The following SYTL5 variants were observed in gnomAD, a reference collection of about 807,000 sequenced individuals.
The protein encoded by SYTL5 is synaptotagmin like 5.
In SYTL5, 34 loss-of-function variants were observed where a neutral mutation model predicts 55.9. That is an observed-to-expected ratio of 0.61 (90% CI 0.46 to 0.81). SYTL5 has a LOEUF of 0.81. Among genes scored for constraint, SYTL5 ranks in the 30% least tolerant of loss-of-function variants. The probability of loss-of-function intolerance (pLI) is 0.00; values close to 1 mark genes in which losing one functional copy is unlikely to be tolerated. For synonymous variants in SYTL5, 221 were observed against 188.7 expected (o/e 1.17, Z -1.40); for missense variants, 637 against 546.7 (o/e 1.17, Z -1.65).
Position 38,110,401 on chromosome X carries a change from C to G in SYTL5, c.1515C>G (p.Ser505Arg). The part of the protein sequence containing the change: ...VWHYDRFGRN[S>R]FLGEVEIPFD... ...ACTATGATCGATTTGGACGTAATAGCTTCCTCGGGGAAGTAGAGATTCCTT... is the reference window on the plus strand; with the variant it reads ...ACTATGATCGATTTGGACGTAATAGGTTCCTCGGGGAAGTAGAGATTCCTT... The change falls in exon 13 of 17, where the codon AGC becomes AGG. Residue 505 changes from serine to arginine, a missense_variant. By Grantham distance (110) the Ser-to-Arg change is moderately radical. Transcript: ENST00000297875. 8.3e-7 allele frequency: 1 copy of G among 1,208,638 alleles called. No individual in the cohort carries two copies. Among genetic ancestry groups the G allele is most frequent in the African/African-American group, 1.7e-5 (1 of 57,657 alleles).
chrX:38,016,155 T>C (rs1168153082), intron 1 of SYTL5, among the ~76,000 whole-genome samples: 3 of 112,181 alleles, frequency 2.7e-5, no homozygotes, highest in African/African-American at 9.7e-5. Flanking sequence ...CACTCAATTA[T>C]TATTGTTATA....
At chrX:37,980,894 C>A in the SYTL5 span, among the ~76,000 whole-genome samples, 1 of 111,945 alleles carries the variant, frequency 8.9e-6, no homozygotes, top group African/African-American at 3.3e-5. Flanking sequence ...AGATTCTAAT[C>A]CATGTGTGAT....
the SYTL5 span, among the ~76,000 whole-genome samples, chrX:37,930,712 G>T: frequency 8.9e-6 from 1 of 112,152 alleles, no homozygotes; most frequent in East Asian, 2.8e-4. Context: ...TTGTGTCTTA[G>T]TTGTTAAGTT....
At chrX:38,059,175 C>T (rs1318437019) in intron 3 of SYTL5, among the ~76,000 whole-genome samples, 1 of 111,718 alleles carries the variant, frequency 9.0e-6, no homozygotes, top group Non-Finnish European at 1.9e-5. Context: ...CTGACCTACT[C>T]ATTTTTTTCT....
intron 1 of SYTL5, among the ~76,000 whole-genome samples, chrX:38,007,440 A>G (rs956527764): frequency 9.0e-6 from 1 of 111,516 alleles, no homozygotes; most frequent in Admixed American, 9.5e-5. Flanking sequence ...ATTAATATAT[A>G]ACTTCTCTTT....
chrX:38,091,463 A>G (rs1936797837), intron 7 of SYTL5, among the ~76,000 whole-genome samples: 1 of 111,728 alleles, frequency 9.0e-6, no homozygotes, highest in African/African-American at 3.3e-5. Flanking sequence ...TATTCAAACC[A>G]CTTAGTGACC....
intron 6 of SYTL5, among the ~76,000 whole-genome samples, chrX:38,077,153 A>T (rs1471041729): frequency 9.0e-6 from 1 of 111,592 alleles, no homozygotes; most frequent in Non-Finnish European, 1.9e-5. Context: ...CACCTCTTCT[A>T]ACTGGAGGAG....
the SYTL5 span, among the ~76,000 whole-genome samples, chrX:37,981,983 A>G: frequency 8.9e-6 from 1 of 112,224 alleles, no homozygotes; most frequent in African/African-American, 3.2e-5. Flanking sequence ...CATATTATCT[A>G]AAATTTCTGA....
At chrX:37,895,096 A>T in the SYTL5 span, among the ~76,000 whole-genome samples, 1 of 111,278 alleles carries the variant, frequency 9.0e-6, no homozygotes, top group Non-Finnish European at 1.9e-5. Flanking sequence ...ATCACCTTTG[A>T]CTCTGTTTCT....
At chrX:37,898,407 G>A in the SYTL5 span, among the ~76,000 whole-genome samples, 2 of 111,922 alleles carry the variant, frequency 1.8e-5, no homozygotes, top group Non-Finnish European at 3.8e-5. Flanking sequence ...CAAATTTCAG[G>A]AGCTGACTTG....
the SYTL5 span, among the ~76,000 whole-genome samples, chrX:37,936,552 G>A: frequency 8.9e-6 from 1 of 111,809 alleles, no homozygotes; most frequent in African/African-American, 3.2e-5. Flanking sequence ...TCCCCTAGAG[G>A]TCTAGATATA....
intron 2 of SYTL5, among the ~76,000 whole-genome samples, chrX:38,045,038 C>G (rs1352019409): frequency 9.0e-6 from 1 of 111,628 alleles, no homozygotes; most frequent in Non-Finnish European, 1.9e-5. Flanking sequence ...AGGTTGGATT[C>G]CCCCAGAGGT....
chrX:38,010,842 G>C (rs1934153283), intron 1 of SYTL5, among the ~76,000 whole-genome samples: 1 of 111,907 alleles, frequency 8.9e-6, no homozygotes, highest in African/African-American at 3.2e-5. Flanking sequence ...ATAATACTTA[G>C]AATATTCTAA....
chrX:37,936,452 C>G, the SYTL5 span, among the ~76,000 whole-genome samples: 1 of 111,971 alleles, frequency 8.9e-6, no homozygotes. Flanking sequence ...GCTGAGGAGG[C>G]TGAGGAGTTC....
chrX:37,997,532 G>T, the SYTL5 span, among the ~76,000 whole-genome samples: 121 of 112,700 alleles, frequency 1.1e-3, no homozygotes, highest in African/African-American at 3.7e-3. Flanking sequence ...TGCTGTCACA[G>T]CCAGGTCAGG....
At chrX:37,957,591 A>G in the SYTL5 span, among the ~76,000 whole-genome samples, 11 of 111,870 alleles carry the variant, frequency 9.8e-5, no homozygotes, top group Non-Finnish European at 1.9e-4. Flanking sequence ...GACTACATGT[A>G]TGGGTTTAAT....
At chrX:37,909,655 T>TTTTG in the SYTL5 span, among the ~76,000 whole-genome samples, 1 of 108,875 alleles carries the variant, frequency 9.2e-6, no homozygotes, top group East Asian at 2.8e-4. Context: ...GGGGAGGTTT[T>TTTTG]TTTGTTTGTT....
At chrX:38,081,053 A>G (rs1375582924) in intron 6 of SYTL5, among the ~76,000 whole-genome samples, 2 of 112,628 alleles carry the variant, frequency 1.8e-5, no homozygotes, top group Admixed American at 9.4e-5. Flanking sequence ...CATTTATTCT[A>G]TAATGATCGT....
intron 1 of SYTL5, among the ~76,000 whole-genome samples, chrX:38,013,957 G>A (rs1934266067): frequency 9.0e-6 from 1 of 110,989 alleles, no homozygotes; most frequent in Admixed American, 9.6e-5. Context: ...CAGGAGCCAG[G>A]TAGCATCAGG....
Sources: allele counts gnomAD v4.1 joint callset (sites outside exome capture counted in the v4.1 genomes callset), GRCh38; gene constraint gnomAD v4.1.1; transcripts MANE v1.5; gene names NCBI Gene and HGNC (gene_info 2026-07-23, HGNC 2026-07-21).